KLRG1: variants seen among roughly 807,000 people sequenced by gnomAD.
The protein encoded by KLRG1 is killer cell lectin like receptor G1.
In KLRG1, 16 loss-of-function variants were observed where a neutral mutation model predicts 21.8. The ratio of observed to expected loss-of-function variants is 0.73; its 90% CI spans 0.50 to 1.11. The LOEUF (loss-of-function observed/expected upper bound fraction) is 1.11. KLRG1 is among the 50% of genes most tolerant of loss of function. The pLI is 0.00. For missense variants in KLRG1, 173 were observed against 218.3 expected, an observed-to-expected ratio of 0.79 and a Z score of 1.31; for synonymous variants, 69 against 75.9, an observed-to-expected ratio of 0.91 and a Z score of 0.47.
At chr12:9,089,196 T>C in the KLRG1 span, 1 of 1,580,360 alleles carries the variant, frequency 6.3e-7, no homozygotes, top group Non-Finnish European at 8.6e-7. Flanking sequence ...TGGTTGACTC[T>C]TACCTGATGG....
chr12:9,156,292 A>C, the KLRG1 span: 2 of 212,780 alleles, frequency 9.4e-6, no homozygotes, highest in African/African-American at 4.6e-5. Flanking sequence ...CATCTCCACC[A>C]ATAAGCGAGT....
chr12:9,094,374 T>TATATATAC, the KLRG1 span, among the ~76,000 whole-genome samples: 4 of 139,636 alleles, frequency 2.9e-5, no homozygotes, highest in African/African-American at 1.1e-4. Context: ...TATATATATA[T>TATATATAC]ACCTATACAT....
chr12:9,194,196 G>C, the KLRG1 span: 431,804 of 1,613,096 alleles, frequency 0.27, 59,396 homozygotes, highest in East Asian at 0.37. Flanking sequence ...ATGAAGAAGA[G>C]TTTATTGGGG....
At chr12:9,192,248 A>C in the KLRG1 span, 42 of 1,614,046 alleles carry the variant, frequency 2.6e-5, no homozygotes, top group East Asian at 8.9e-4. Flanking sequence ...TGACTCCCTT[A>C]GCCATGATCT....
At chr12:9,068,678 C>A in the KLRG1 span, 1 of 1,352,902 alleles carries the variant, frequency 7.4e-7, no homozygotes, top group Non-Finnish European at 1.0e-6. Flanking sequence ...AACACATCTC[C>A]TAAACCTGAA....
the KLRG1 span, among the ~76,000 whole-genome samples, chr12:9,087,049 A>C: frequency 6.6e-6 from 1 of 152,234 alleles, no homozygotes; most frequent in African/African-American, 2.4e-5. Flanking sequence ...TATAAACAAT[A>C]TGTAGAAATA....
chr12:9,029,076 T>C, the KLRG1 span: 1 of 493,870 alleles, frequency 2.0e-6, no homozygotes, highest in Non-Finnish European at 3.8e-6. Flanking sequence ...TTTAGGAGAC[T>C]CAGACTTAGA....
the KLRG1 span, among the ~76,000 whole-genome samples, chr12:9,071,560 ATTG>A: frequency 1.3e-5 from 2 of 152,038 alleles, no homozygotes; most frequent in African/African-American, 4.8e-5. Flanking sequence ...TTTGCACTGA[ATTG>A]TTGTTTTTTT....
At chr12:9,084,601 G>C in the KLRG1 span, among the ~76,000 whole-genome samples, 3 of 151,830 alleles carry the variant, frequency 2.0e-5, no homozygotes, top group Non-Finnish European at 4.4e-5. Flanking sequence ...AGACCACAAA[G>C]GAAGACAGCA....
chr12:9,082,193 T>C, the KLRG1 span, among the ~76,000 whole-genome samples: 1 of 152,206 alleles, frequency 6.6e-6, no homozygotes, highest in Non-Finnish European at 1.5e-5. Flanking sequence ...AATCCTCTAT[T>C]ATGCACATCT....
chr12:9,200,922 TC>T, the KLRG1 span: 34 of 1,613,788 alleles, frequency 2.1e-5, no homozygotes, highest in Non-Finnish European at 2.8e-5. Context: ...GGGTGCTGTA[TC>T]CTTCCACCTG....
At chr12:9,097,186 A>C in the KLRG1 span, among the ~76,000 whole-genome samples, 1 of 152,226 alleles carries the variant, frequency 6.6e-6, no homozygotes, top group Non-Finnish European at 1.5e-5. Flanking sequence ...TATCCTCTTG[A>C]GATCCTACTG....
chr12:9,090,245 A>T, the KLRG1 span: 1 of 1,534,156 alleles, frequency 6.5e-7, no homozygotes, highest in East Asian at 2.3e-5. Flanking sequence ...AAAGGAAAAA[A>T]ATCGCAGCAT....
chr12:9,034,011 A>C, the KLRG1 span, among the ~76,000 whole-genome samples: 2 of 152,228 alleles, frequency 1.3e-5, no homozygotes, highest in African/African-American at 2.4e-5. Context: ...GAAATTCCTC[A>C]GGGATGTATC....
the KLRG1 span, among the ~76,000 whole-genome samples, chr12:9,211,603 G>A: frequency 1.3e-5 from 2 of 152,104 alleles, no homozygotes; most frequent in Admixed American, 6.5e-5. Context: ...CATTTGGGGT[G>A]GAGATTAGTT....
the KLRG1 span, among the ~76,000 whole-genome samples, chr12:9,085,004 C>A: frequency 1.4e-4 from 22 of 152,036 alleles, no homozygotes; most frequent in African/African-American, 5.3e-4. Flanking sequence ...CTATACATAT[C>A]CAACATTGGA....
At chr12:9,121,501 A>C in the KLRG1 span, among the ~76,000 whole-genome samples, 3,522 of 152,304 alleles carry the variant, frequency 0.023, 136 homozygotes, top group African/African-American at 0.079. This position sits in a 1 kb window ranked among gnomAD's most constrained non-coding sequence, Gnocchi z 4.4. Flanking sequence ...AGATCACGCC[A>C]CTGCACTCCA....
At chr12:9,028,147 T>TTA in the KLRG1 span, 9 of 588,516 alleles carry the variant, frequency 1.5e-5, no homozygotes, top group African/African-American at 3.9e-5. Flanking sequence ...CGTCGTCTTC[T>TTA]TCTTTTTTTT....
the KLRG1 span, among the ~76,000 whole-genome samples, chr12:9,146,584 T>C: frequency 6.6e-6 from 1 of 152,208 alleles, no homozygotes; most frequent in Non-Finnish European, 1.5e-5. Flanking sequence ...CTCTGTGTTG[T>C]TGCCTCTGCA....
Sources: gnomAD v4.1 joint callset for allele counts (sites outside exome capture counted in the v4.1 genomes callset) on GRCh38, gnomAD v4.1.1 for gene constraint, Gnocchi (gnomAD v3.1) non-coding constraint, MANE v1.5 for transcripts, NCBI Gene and HGNC (gene_info 2026-07-23, HGNC 2026-07-21) for gene names.